The following UNC13C variants were observed in gnomAD, a reference collection of about 807,000 sequenced individuals.
The protein encoded by UNC13C is unc-13 homolog C, also known as protein unc-13 homolog C.
A neutral mutation model predicts 245.4 loss-of-function variants in UNC13C; 174 were observed. The ratio of observed to expected loss-of-function variants is 0.71; its 90% CI spans 0.63 to 0.80. The LOEUF (loss-of-function observed/expected upper bound fraction) is 0.80, where lower values mean the gene tolerates loss of function less well. UNC13C is among the 30% of genes least tolerant of loss of function. The pLI, the probability that UNC13C is intolerant of heterozygous loss-of-function variation, is 0.00. For synonymous variants in UNC13C, 992 were observed against 895.1 expected, an observed-to-expected ratio of 1.11 and a Z score of -1.93; for missense variants, 2,829 against 2,602.9, an observed-to-expected ratio of 1.09 and a Z score of -1.89.
chr15:54,396,819 C>T (rs2040078680), intron 18 of UNC13C, among the ~76,000 whole-genome samples: 1 of 150,988 alleles, frequency 6.6e-6, no homozygotes, highest in African/African-American at 2.4e-5. Context: ...ATTCATATAT[C>T]TTCTTTGGTG....
intron 10 of UNC13C, among the ~76,000 whole-genome samples, chr15:54,289,734 A>C (rs1282427196): frequency 6.6e-6 from 1 of 152,014 alleles, no homozygotes; most frequent in Admixed American, 6.6e-5. Context: ...ACCGATCAAT[A>C]CTTTTGCCCC....
At chr15:53,958,966 G>A in the UNC13C span, among the ~76,000 whole-genome samples, 1 of 152,026 alleles carries the variant, frequency 6.6e-6, no homozygotes, top group Non-Finnish European at 1.5e-5. Flanking sequence ...TGCCCTCACA[G>A]CCTTTGGTAA....
At chr15:54,005,901 G>A (rs1895113662) in intron 1 of UNC13C, among the ~76,000 whole-genome samples, 1 of 152,174 alleles carries the variant, frequency 6.6e-6, no homozygotes, top group Non-Finnish European at 1.5e-5. Context: ...AGGGAAATTA[G>A]ATGGGATATT....
intron 19 of UNC13C, among the ~76,000 whole-genome samples, chr15:54,460,604 T>G (rs1186569814): frequency 6.6e-6 from 1 of 152,248 alleles, no homozygotes; most frequent in African/African-American, 2.4e-5. Context: ...TTGGCCAGGA[T>G]AAGTACTTGG....
intron 29 of UNC13C, among the ~76,000 whole-genome samples, chr15:54,567,433 G>A (rs1596584022): frequency 5.3e-5 from 8 of 152,198 alleles, no homozygotes; most frequent in Admixed American, 5.2e-4. Context: ...ACAACCCTTG[G>A]TATTTTTCTC....
At chr15:54,067,406 T>C (rs929326473) in intron 2 of UNC13C, among the ~76,000 whole-genome samples, 1 of 152,194 alleles carries the variant, frequency 6.6e-6, no homozygotes, top group African/African-American at 2.4e-5. Context: ...TATAAAAATG[T>C]TTAAATATTT....
intron 32 of UNC13C, among the ~76,000 whole-genome samples, chr15:54,626,146 G>GTATC: frequency 7.0e-6 from 1 of 142,078 alleles, no homozygotes; most frequent in African/African-American, 2.5e-5. Flanking sequence ...AAGACAGACT[G>GTATC]TATCTACCAT....
intron 2 of UNC13C, among the ~76,000 whole-genome samples, chr15:54,058,856 A>G (rs1897664995): frequency 6.6e-6 from 1 of 152,238 alleles, no homozygotes. Context: ...ACCAAAGACA[A>G]AAACCACATG....
the UNC13C span, among the ~76,000 whole-genome samples, chr15:53,854,726 C>T: frequency 6.6e-6 from 1 of 152,044 alleles, no homozygotes; most frequent in African/African-American, 2.4e-5. Flanking sequence ...AGTCAGGTAG[C>T]GTGATGCCTC....
chr15:54,235,531 A>C (rs941857368), intron 5 of UNC13C, among the ~76,000 whole-genome samples: 5 of 152,156 alleles, frequency 3.3e-5, no homozygotes, highest in Non-Finnish European at 5.9e-5. Flanking sequence ...ACATTAATCA[A>C]CTCTTCATTT....
intron 2 of UNC13C, among the ~76,000 whole-genome samples, chr15:54,046,832 G>C (rs1380435482): frequency 6.6e-6 from 1 of 151,298 alleles, no homozygotes; most frequent in Non-Finnish European, 1.5e-5. Flanking sequence ...CCAGTATCTG[G>C]GTCAAGAGCA....
chr15:54,154,547 C>T (rs886900393), intron 4 of UNC13C, among the ~76,000 whole-genome samples: 1 of 152,066 alleles, frequency 6.6e-6, no homozygotes, highest in Non-Finnish European at 1.5e-5. Flanking sequence ...TAATTAACAA[C>T]TACCAAATTT....
At chr15:54,269,858 A>C (rs1157722932) in intron 10 of UNC13C, among the ~76,000 whole-genome samples, 1 of 152,230 alleles carries the variant, frequency 6.6e-6, no homozygotes, top group Non-Finnish European at 1.5e-5. Context: ...TTTTTTAAAC[A>C]TCATTTCAAA....
intron 8 of UNC13C, among the ~76,000 whole-genome samples, chr15:54,254,679 G>A (rs908135716): frequency 1.8e-4 from 27 of 152,206 alleles, no homozygotes; most frequent in African/African-American, 6.0e-4. Flanking sequence ...TCATCAAAAG[G>A]ATCAAGCGAA....
Position 54,553,180 on chromosome 15 carries a change from CAA to C in UNC13C, c.5878-2251_5878-2250del, listed in dbSNP as rs559782944. 1.7e-3 allele frequency among the ~76,000 whole-genome samples: 185 copies of C among 109,666 alleles called. 3 individuals carry two copies. The highest frequency in any genetic ancestry group is 6.3e-3 in the African/African-American group (172 of 27,234). The allele number at this position is 109,666 out of a possible 152,430, so 71.9% of individuals were successfully genotyped here. A position where few individuals can be genotyped will look rare whatever the true frequency, so the allele number is the denominator to read the frequency against. On this transcript the variant is annotated intron_variant, in intron 28 of 32. Coordinates refer to ENST00000260323, the MANE Select transcript of UNC13C (RefSeq NM_001080534.3). ...ATATTATATACTGTATTCTATATTACAATATATATTATATACTGTATTCTATA... is the reference window on the plus strand; with the variant it reads ...ATATTATATACTGTATTCTATATTACTATATATTATATACTGTATTCTATA...
rs188124574 is a variant in UNC13C at position 54,592,838 on chromosome 15, T to C, written c.6106+24891T>C. 3.3e-3 allele frequency among the ~76,000 whole-genome samples: 492 copies of C among 151,090 alleles called. 2 individuals are homozygous for C. The highest frequency in any genetic ancestry group is 8.5e-3 in the Admixed American group (129 of 15,092). On this transcript the variant is annotated intron_variant, in intron 30 of 32. Coordinates refer to ENST00000260323, the MANE Select transcript of UNC13C (RefSeq NM_001080534.3). ...GGTACTATTGCATTCATCATGCTCG[T>C]TGTTGCCTGTGTACTTTGTTTTTTG...
At chr15:53,969,969 G>C in the UNC13C span, among the ~76,000 whole-genome samples, 1 of 151,060 alleles carries the variant, frequency 6.6e-6, no homozygotes, top group African/African-American at 2.4e-5. Flanking sequence ...GTATGTTTTT[G>C]TTTGTTTGTT....
chr15:54,434,425 A>G (rs1012581867), intron 19 of UNC13C, among the ~76,000 whole-genome samples: 3 of 152,102 alleles, frequency 2.0e-5, no homozygotes, highest in Non-Finnish European at 2.9e-5. Context: ...CCTCAGAAAT[A>G]ACACCACATA....
At chr15:54,462,609 C>T (rs1362046459) in intron 19 of UNC13C, among the ~76,000 whole-genome samples, 7 of 152,214 alleles carry the variant, frequency 4.6e-5, no homozygotes, top group African/African-American at 1.2e-4. Flanking sequence ...CCAGCAGCTG[C>T]GGAGGGGGCG....
Sources: allele counts gnomAD v4.1 joint callset (sites outside exome capture counted in the v4.1 genomes callset), GRCh38; gene constraint gnomAD v4.1.1; transcripts MANE v1.5; gene names NCBI Gene and HGNC (gene_info 2026-07-23, HGNC 2026-07-21).